Variants in INSL6 observed in about 807,000 individuals in gnomAD.
INSL6 encodes the protein insulin-like peptide INSL6.
In INSL6, 16 loss-of-function variants were observed where a neutral mutation model predicts 9.4. That is an observed-to-expected ratio of 1.70 (90% CI 1.15 to 2.59). The LOEUF (loss-of-function observed/expected upper bound fraction) is 2.59. Ranked by LOEUF, INSL6 falls within the 30% of genes most tolerant of loss-of-function variation. The probability of loss-of-function intolerance (pLI) is 0.00; values close to 1 mark genes in which losing one functional copy is unlikely to be tolerated. For missense variants in INSL6, 391 were observed against 257.3 expected, an observed-to-expected ratio of 1.52 and a Z score of -3.56; for synonymous variants, 154 against 96.9, an observed-to-expected ratio of 1.59 and a Z score of -3.46.
At chr9:5,143,302 G>C (rs34566475) in intron 2 of INSL6, among the ~76,000 whole-genome samples, 1 of 151,616 alleles carries the variant, frequency 6.6e-6, no homozygotes, top group African/African-American at 2.4e-5. Context: ...GTATAATTCA[G>C]CTGTGAATCC....
At chr9:5,010,938 C>T in the INSL6 span, among the ~76,000 whole-genome samples, 3 of 152,176 alleles carry the variant, frequency 2.0e-5, no homozygotes, top group Non-Finnish European at 4.4e-5. Flanking sequence ...AGCTTTCCCC[C>T]TCTCCCTACC....
the INSL6 span, chr9:5,064,830 A>T: frequency 6.7e-6 from 9 of 1,345,036 alleles, no homozygotes; most frequent in Non-Finnish European, 8.0e-6. Context: ...TCAATATTTA[A>T]CATGGAGTTG....
chr9:5,081,036 C>CA, the INSL6 span, among the ~76,000 whole-genome samples: 3 of 151,480 alleles, frequency 2.0e-5, no homozygotes, highest in African/African-American at 7.3e-5. Flanking sequence ...GCTGGGACTA[C>CA]AGGCGCCCGC....
chr9:5,007,803 C>G, the INSL6 span, among the ~76,000 whole-genome samples: 1 of 151,806 alleles, frequency 6.6e-6, no homozygotes, highest in Non-Finnish European at 1.5e-5. Context: ...CCTTGGCTCA[C>G]TGCAATCTCT....
chr9:5,130,591 A>C (rs1824254492), intron 3 of INSL6, among the ~76,000 whole-genome samples: 1 of 152,228 alleles, frequency 6.6e-6, no homozygotes, highest in South Asian at 2.1e-4. Context: ...GAAAATGTTT[A>C]GGTGCTTTTC....
At chr9:5,116,034 G>T in the INSL6 span, among the ~76,000 whole-genome samples, 1 of 151,790 alleles carries the variant, frequency 6.6e-6, no homozygotes, top group African/African-American at 2.4e-5. Flanking sequence ...TTCTGCACAT[G>T]TATCCCAAAA....
chr9:5,112,665 A>G, the INSL6 span: 1 of 957,870 alleles, frequency 1.0e-6, no homozygotes, highest in Non-Finnish European at 1.5e-6. Flanking sequence ...CTTATCCTGC[A>G]CCAGGCCGTC....
At chr9:4,996,928 C>CTTTTT in the INSL6 span, among the ~76,000 whole-genome samples, 20 of 94,652 alleles carry the variant, frequency 2.1e-4, no homozygotes, top group South Asian at 3.6e-4. Context: ...TTAGTTTGTT[C>CTTTTT]TTTTTTTTTT....
At chr9:5,021,347 A>G in the INSL6 span, among the ~76,000 whole-genome samples, 11 of 152,258 alleles carry the variant, frequency 7.2e-5, no homozygotes, top group East Asian at 3.9e-4. Flanking sequence ...TCTTCCCCCA[A>G]TTTGAGATCT....
At chr9:5,097,885 C>G in the INSL6 span, 2 of 152,184 alleles carry the variant, frequency 1.3e-5, no homozygotes, top group Non-Finnish European at 2.9e-5. Context: ...ATCAGACCTA[C>G]GCTAAAATTC....
chr9:5,114,704 G>T, the INSL6 span: 1 of 395,534 alleles, frequency 2.5e-6, no homozygotes, highest in Non-Finnish European at 4.9e-6. Context: ...AGGTTACCAG[G>T]GCTGAATGGG....
At chr9:5,068,304 G>C in the INSL6 span, among the ~76,000 whole-genome samples, 1 of 152,078 alleles carries the variant, frequency 6.6e-6, no homozygotes, top group African/African-American at 2.4e-5. Context: ...TTAAAAATAG[G>C]TGAACAAGTT....
chr9:5,084,306 A>G, the INSL6 span, among the ~76,000 whole-genome samples: 1 of 152,104 alleles, frequency 6.6e-6, no homozygotes, highest in Admixed American at 6.5e-5. Flanking sequence ...TGTTTGTTTG[A>G]AGTAATTGAT....
the INSL6 span, among the ~76,000 whole-genome samples, chr9:5,038,353 A>G: frequency 6.6e-6 from 1 of 152,180 alleles, no homozygotes; most frequent in South Asian, 2.1e-4. Flanking sequence ...TCTATCACAC[A>G]TTAAAAAAAT....
the INSL6 span, among the ~76,000 whole-genome samples, chr9:4,994,335 C>A: frequency 6.6e-6 from 1 of 152,104 alleles, no homozygotes; most frequent in African/African-American, 2.4e-5. Flanking sequence ...GTTTCCTAAC[C>A]CACTGGTTCT....
At chr9:5,092,152 G>A in the INSL6 span, among the ~76,000 whole-genome samples, 3 of 151,974 alleles carry the variant, frequency 2.0e-5, no homozygotes, top group Admixed American at 6.6e-5. Context: ...TCATGAGGTG[G>A]CAAGAAATGG....
At chr9:5,176,043 C>T (rs1045809266) in intron 1 of INSL6, among the ~76,000 whole-genome samples, 1 of 152,124 alleles carries the variant, frequency 6.6e-6, no homozygotes, top group Non-Finnish European at 1.5e-5. Context: ...GGATTACTGG[C>T]CTAAAATACC....
chr9:5,041,513 C>A, the INSL6 span: 1 of 562,688 alleles, frequency 1.8e-6, no homozygotes, highest in Admixed American at 2.2e-5. Context: ...ACACATAGCG[C>A]GCCACGCCCA....
downstream of INSL6, among the ~76,000 whole-genome samples, chr9:5,158,902 A>G (rs890978828): frequency 2.6e-5 from 4 of 152,172 alleles, no homozygotes; most frequent in Admixed American, 6.5e-5. Context: ...TAGAAAGATG[A>G]AAGATAAAAT....
Sources: allele counts gnomAD v4.1 joint callset (sites outside exome capture counted in the v4.1 genomes callset), GRCh38; gene constraint gnomAD v4.1.1; transcripts MANE v1.5; gene names NCBI Gene and HGNC (gene_info 2026-07-23, HGNC 2026-07-21).